SLC20A1: variants seen among roughly 807,000 people sequenced by gnomAD.
The protein encoded by SLC20A1 is sodium-dependent phosphate transporter 1.
SLC20A1 carries 28 observed loss-of-function variants against 62.7 expected under a neutral mutation model. That is an observed-to-expected ratio of 0.45 (90% CI 0.33 to 0.61). The LOEUF is 0.61. SLC20A1 is among the 20% of genes least tolerant of loss of function. The pLI is 0.02. For synonymous variants in SLC20A1, 305 were observed against 302.9 expected, an observed-to-expected ratio of 1.01 and a Z score of -0.07; for missense variants, 673 against 838.6, an observed-to-expected ratio of 0.80 and a Z score of 2.44.
chr2:112,655,048 A>G (rs559446710), intron 5 of SLC20A1, among the ~76,000 whole-genome samples: 1 of 147,916 alleles, frequency 6.8e-6, no homozygotes, highest in South Asian at 2.1e-4. Flanking sequence ...GGGTGACTGC[A>G]ACCACTACCT....
In SLC20A1 at chr2:112,652,777, A is replaced by G; in HGVS notation, c.637A>G (p.Ile213Val). ...ACTVGINLFSIMYTGAPLLGF... is the reference protein window; with the variant it reads ...ACTVGINLFSVMYTGAPLLGF... ...CACAGTTGGAATAAACCTCTTTTCC[A>G]TCATGTATACTGGAGCACCGTGTAA... Residue 213 changes from isoleucine (I) to valine (V), a missense_variant, in exon 5 of 11, where the codon ATC becomes GTC. Coordinates refer to ENST00000272542, the MANE Select transcript of SLC20A1 (RefSeq NM_005415.5). The G allele has an allele frequency of 1.2e-6, 2 of 1,614,116 alleles. No homozygotes were observed. Among genetic ancestry groups the G allele is most frequent in the Non-Finnish European group, 1.7e-6 (2 of 1,179,948 alleles).
intron 9 of SLC20A1, 103 bp from the exon 10 acceptor site, chr2:112,661,039 T>C: frequency 1.3e-6 from 1 of 775,324 alleles, no homozygotes; most frequent in Admixed American, 2.0e-5. Context: ...GGAGGTTTTG[T>C]GACTGAGTAG....
rs575001671 is a variant in SLC20A1 at position 112,649,205 on chromosome 2, A to C, written c.561+1467A>C. On this transcript the variant is annotated intron_variant, in intron 4 of 10. Transcript: ENST00000272542. Reference sequence around the variant, plus strand: ...AATGCATACCCCCACGGTGTTATTGAGGGCTGAAGTTAGATACGGTAACTG... The same window carrying C: ...AATGCATACCCCCACGGTGTTATTGCGGGCTGAAGTTAGATACGGTAACTG... 8.5e-4 allele frequency among the ~76,000 whole-genome samples: 129 copies of C among 152,362 alleles called. 4 individuals are homozygous for C. The South Asian group carries it at 0.026, about 31-fold the overall frequency.
chr2:112,656,153 A>G (rs933862243), intron 5 of SLC20A1, among the ~76,000 whole-genome samples: 35 of 150,198 alleles, frequency 2.3e-4, no homozygotes, highest in Admixed American at 1.1e-3. Flanking sequence ...TGTAAGTGAA[A>G]TTACCACTAA....
At chr2:112,662,593 A>G (rs1018038710) in intron 10 of SLC20A1, among the ~76,000 whole-genome samples, 4 of 152,272 alleles carry the variant, frequency 2.6e-5, no homozygotes, top group Non-Finnish European at 5.9e-5. Flanking sequence ...AAATAAATAA[A>G]TAAAAGCAGT....
rs1168496187 is a variant in SLC20A1 at position 112,646,712 on chromosome 2, AT to A, written c.-114del. 2.4e-6 allele frequency: 1 copy of A among 410,302 alleles called. No individual in the cohort carries two copies. The highest frequency in any genetic ancestry group is 3.9e-6 in the Non-Finnish European group (1 of 257,652). The allele number at this position is 410,302 out of a possible 1,614,324, so 25.4% of individuals were successfully genotyped here. ...CGGTTTCTGTGCCGTAGTTTACAGT[AT>A]TTAATTTTATATAATATATATTATT... On this transcript the variant is annotated 5_prime_UTR_variant, in exon 2 of 11. Transcript: ENST00000272542.
chr2:112,646,428 C>G (rs1004465781), intron 1 of SLC20A1, 135 bp from the exon 2 acceptor site: 1 of 152,246 alleles, frequency 6.6e-6, no homozygotes, highest in African/African-American at 2.4e-5. Context: ...CTCCTTCTCG[C>G]GCGTCCTACT....
Position 112,646,993 on chromosome 2 carries a change from TGTA to T in SLC20A1, c.168_170del (p.Val57del). The T allele has an allele frequency of 3.1e-6, 5 of 1,614,126 alleles. No homozygotes were observed. The highest frequency in any genetic ancestry group is 4.2e-6 in the Non-Finnish European group (5 of 1,180,028). ...CTTTTGGTACAGCTGTGGGCTCAGG[TGTA>T]GTGACCCTGAAGCAAGCCTGCATCC... On this transcript the variant is annotated inframe_deletion, in exon 2 of 11. Transcript: ENST00000272542.
rs145563169 is a variant in SLC20A1, at chr2:112,662,043, C to T, written c.1878+817C>T. 2.1e-3 allele frequency among the ~76,000 whole-genome samples: 327 copies of T among 152,274 alleles called. 1 individual carries two copies. The highest frequency in any genetic ancestry group is 3.4e-3 in the Non-Finnish European group (234 of 68,026). ...CAGTTTATTTACAGAAGGCATATTT[C>T]AGGGCCTCTCAGGATTGAAATACTG... On this transcript the variant is annotated intron_variant, in intron 10 of 10. Coordinates refer to ENST00000272542, the MANE Select transcript of SLC20A1 (RefSeq NM_005415.5).
At chr2:112,653,023 C>G in intron 5 of SLC20A1, 2 of 1,067,038 alleles carry the variant, frequency 1.9e-6, no homozygotes, top group South Asian at 1.4e-5. Context: ...GACCTTTCCT[C>G]TTTAGTCTTC....
rs1424699355 is a variant in SLC20A1 at position 112,653,659 on chromosome 2, TC to T, written c.658+862del. Among the ~76,000 whole-genome samples the T allele has an allele frequency of 1.5e-3, 151 of 99,758 alleles. 2 individuals carry two copies. Among genetic ancestry groups the T allele is most frequent in the African/African-American group, 3.9e-3 (145 of 37,594 alleles). 65.4% of individuals were successfully genotyped at this position (99,758 alleles called of 152,430 possible). On this transcript the variant is annotated intron_variant, in intron 5 of 10. Transcript: ENST00000272542. Reference sequence around the variant, plus strand: ...TATGCACCCATATTTTCAAATTCTCTCTTTTTTTTTTTCTTAACATTTGTTG... The same window carrying T: ...TATGCACCCATATTTTCAAATTCTCTTTTTTTTTTTTCTTAACATTTGTTG...
intron 4 of SLC20A1, among the ~76,000 whole-genome samples, chr2:112,650,901 C>G (rs371048085): frequency 6.6e-6 from 1 of 152,168 alleles, no homozygotes. Flanking sequence ...GGATTACAGA[C>G]AGACATGAGC....
intron 1 of SLC20A1, 85 bp downstream of exon 1, chr2:112,646,214 G>A (rs898822435): frequency 6.6e-6 from 1 of 152,110 alleles, no homozygotes; most frequent in Non-Finnish European, 1.5e-5. Flanking sequence ...CGGACGCCGT[G>A]GGCGGCGCGG....
chr2:112,659,955 T>C (rs1335122958), intron 8 of SLC20A1, among the ~76,000 whole-genome samples, 193 bp downstream of exon 8: 1 of 152,240 alleles, frequency 6.6e-6, no homozygotes, highest in Non-Finnish European at 1.5e-5. Flanking sequence ...ACAAAGAATG[T>C]TTATTTTTGT....
At position 112,662,851 on chromosome 2, in the gene SLC20A1, G is replaced by T; in HGVS notation, c.1879-13G>T. On this transcript the variant is annotated splice_polypyrimidine_tract_variant and intron_variant, in intron 10 of 10. Transcript: ENST00000272542. ...CTTCAATAACCTGTTTCCTTGGTCT[G>T]CTTCTCTTCTAGGTGGGCTCTGTTG... 1 of 1,612,758 alleles carries T rather than the reference G, an allele frequency of 6.2e-7. No individual in the cohort carries two copies. Among genetic ancestry groups the T allele is most frequent in the Non-Finnish European group, 8.5e-7 (1 of 1,179,626 alleles).
At chr2:112,647,791 T>C in intron 4 of SLC20A1, 53 bp downstream of exon 4, 1 of 1,393,094 alleles carries the variant, frequency 7.2e-7, no homozygotes, top group Non-Finnish European at 1.0e-6. Flanking sequence ...CCAATCGATT[T>C]CAAACCCAGT....
chr2:112,646,853 A>G lies in SLC20A1; in HGVS notation c.25A>G (p.Thr9Ala), dbSNP rs779694210. The G allele has an allele frequency of 1.2e-5, 20 of 1,613,034 alleles. No homozygotes were observed. The highest frequency in any genetic ancestry group is 1.6e-5 in the Non-Finnish European group (19 of 1,179,250). ...AATGGCAACGCTGATTACCAGTACT[A>G]CAGCTGCTACCGCCGCTTCTGGTCC... is the stretch of plus-strand genomic sequence containing the variant. MATLITST[T>A]AATAASGPLV... Residue 9 changes from threonine to alanine, a missense_variant, in exon 2 of 11, where the codon ACA becomes GCA. Coordinates refer to ENST00000272542, the MANE Select transcript of SLC20A1 (RefSeq NM_005415.5).
At chr2:112,658,047 G>A (rs1202871304) in intron 6 of SLC20A1, among the ~76,000 whole-genome samples, 1 of 152,258 alleles carries the variant, frequency 6.6e-6, no homozygotes, top group African/African-American at 2.4e-5. Flanking sequence ...CGTCACCGCA[G>A]CTGAACCGAA....
intron 4 of SLC20A1, among the ~76,000 whole-genome samples, chr2:112,648,120 T>A (rs1366861864): frequency 2.0e-5 from 3 of 152,354 alleles, no homozygotes; most frequent in African/African-American, 7.2e-5. Flanking sequence ...GTGGCTTTTT[T>A]AACTAAGCTG....
Sources: allele counts gnomAD v4.1 joint callset (sites outside exome capture counted in the v4.1 genomes callset), GRCh38; gene constraint gnomAD v4.1.1; transcripts MANE v1.5; gene names NCBI Gene and HGNC (gene_info 2026-07-23, HGNC 2026-07-21).